AKAP19: variants seen among roughly 807,000 people sequenced by gnomAD.
AKAP19 encodes the protein small A-kinase anchoring protein.
chr2:189,968,550 A>G, the AKAP19 span, among the ~76,000 whole-genome samples: 6 of 152,214 alleles, frequency 3.9e-5, no homozygotes, highest in Admixed American at 6.5e-5. Context: ...TAAATGCTGT[A>G]GTTACATATT....
chr2:189,940,795 G>A, the AKAP19 span, among the ~76,000 whole-genome samples: 2 of 151,524 alleles, frequency 1.3e-5, no homozygotes, highest in Non-Finnish European at 2.9e-5. Context: ...GGAGGCTGAG[G>A]CAGGAGAGTG....
chr2:189,975,284 T>C, the AKAP19 span, among the ~76,000 whole-genome samples: 2 of 152,216 alleles, frequency 1.3e-5, no homozygotes, highest in Non-Finnish European at 2.9e-5. Context: ...AAAATTCTTT[T>C]CTTTAAGAAT....
chr2:190,170,014 C>A, the AKAP19 span, among the ~76,000 whole-genome samples: 1 of 152,166 alleles, frequency 6.6e-6, no homozygotes, highest in African/African-American at 2.4e-5. Flanking sequence ...CTGCACGAAC[C>A]TAATGTAACA....
At chr2:189,926,178 C>T in the AKAP19 span, among the ~76,000 whole-genome samples, 12 of 152,166 alleles carry the variant, frequency 7.9e-5, no homozygotes, top group Non-Finnish European at 1.3e-4. Flanking sequence ...AGGATGAACC[C>T]ACTAAATCTC....
chr2:190,062,218 A>G, the AKAP19 span: 1 of 1,612,736 alleles, frequency 6.2e-7, no homozygotes, highest in African/African-American at 1.3e-5. Flanking sequence ...TAATAGGACT[A>G]CTTACACTCT....
the AKAP19 span, among the ~76,000 whole-genome samples, chr2:190,003,768 A>G: frequency 3.3e-5 from 5 of 151,962 alleles, no homozygotes; most frequent in African/African-American, 1.2e-4. Flanking sequence ...TCGGGAGGCT[A>G]AGGTACAATA....
chr2:189,925,228 G>A, the AKAP19 span, among the ~76,000 whole-genome samples: 1 of 152,050 alleles, frequency 6.6e-6, no homozygotes, highest in Non-Finnish European at 1.5e-5. Context: ...TGTGTTGACT[G>A]ATTGCTGAAA....
chr2:190,202,043 C>T, the AKAP19 span: 165,785 of 167,148 alleles, frequency 0.99, 82,243 homozygotes, highest in East Asian at 1. Flanking sequence ...CCCCACTAAA[C>T]TTTTCAGTAT....
chr2:189,909,131 A>G, the AKAP19 span, among the ~76,000 whole-genome samples: 1 of 151,848 alleles, frequency 6.6e-6, no homozygotes, highest in Non-Finnish European at 1.5e-5. Context: ...CTCTTTTTAC[A>G]ATTTTTTAAT....
chr2:189,907,041 A>G, the AKAP19 span, among the ~76,000 whole-genome samples: 1 of 152,204 alleles, frequency 6.6e-6, no homozygotes, highest in Admixed American at 6.5e-5. Flanking sequence ...TTATTAAAAT[A>G]GCTTCCTAAT....
the AKAP19 span, among the ~76,000 whole-genome samples, chr2:190,070,442 AG>A: frequency 6.7e-6 from 1 of 149,944 alleles, no homozygotes; most frequent in Non-Finnish European, 1.5e-5. Context: ...CTTGACTTAT[AG>A]TTTAAAAAAA....
At chr2:189,930,325 GA>G in the AKAP19 span, 1 of 657,936 alleles carries the variant, frequency 1.5e-6, no homozygotes. Context: ...AGGGGCACGT[GA>G]AGGATCTCAT....
the AKAP19 span, among the ~76,000 whole-genome samples, chr2:190,107,281 T>A: frequency 7.9e-5 from 12 of 152,278 alleles, no homozygotes; most frequent in Non-Finnish European, 1.5e-4. Context: ...TCTTTATCTG[T>A]AAAATGGGAA....
the AKAP19 span, among the ~76,000 whole-genome samples, chr2:190,069,169 TGTGTGTGAGA>T: frequency 1.5e-5 from 2 of 137,276 alleles, no homozygotes; most frequent in Non-Finnish European, 3.0e-5. Flanking sequence ...TGTGTGTGTG[TGTGTGTGAGA>T]GAGAGAGAGA....
the AKAP19 span, among the ~76,000 whole-genome samples, chr2:190,021,895 C>T: frequency 0.015 from 2,283 of 152,220 alleles, 58 homozygotes; most frequent in African/African-American, 0.052. Flanking sequence ...TTGTTTCTTA[C>T]ATTACGGAGG....
the AKAP19 span, among the ~76,000 whole-genome samples, chr2:190,115,294 TATATATA>T: frequency 3.0e-3 from 27 of 9,148 alleles, no homozygotes; most frequent in Non-Finnish European, 4.6e-3. Context: ...TATATATATA[TATATATA>T]TTTTTTTTTT....
At chr2:190,139,015 A>AAT in the AKAP19 span, among the ~76,000 whole-genome samples, 1 of 35,730 alleles carries the variant, frequency 2.8e-5, no homozygotes, top group Non-Finnish European at 9.8e-5. Context: ...TTTGTGGATT[A>AAT]CTATGTGCTA....
chr2:190,047,387 C>T, the AKAP19 span, among the ~76,000 whole-genome samples: 1 of 152,204 alleles, frequency 6.6e-6, no homozygotes, highest in Non-Finnish European at 1.5e-5. Context: ...CTCTTTAAGT[C>T]GTTGTGAACT....
At chr2:190,060,055 C>T in the AKAP19 span, 1 of 1,610,804 alleles carries the variant, frequency 6.2e-7, no homozygotes, top group Non-Finnish European at 8.5e-7. Context: ...TTTCAGTTAT[C>T]ACTTACCAGC....
Sources: allele counts gnomAD v4.1 joint callset (sites outside exome capture counted in the v4.1 genomes callset), GRCh38; gene constraint gnomAD v4.1.1; transcripts MANE v1.5; gene names NCBI Gene and HGNC (gene_info 2026-07-23, HGNC 2026-07-21).